The following SCUBE1 variants were observed in gnomAD, a reference collection of about 807,000 sequenced individuals.
SCUBE1 encodes the protein signal peptide, CUB domain and EGF like domain containing 1.
SCUBE1 carries 59 observed loss-of-function variants against 124.4 expected under a neutral mutation model. The observed-to-expected ratio is 0.47, with a 90% confidence interval of 0.38 to 0.59. The LOEUF (loss-of-function observed/expected upper bound fraction) is 0.59, where lower values mean the gene tolerates loss of function less well. Ranked by LOEUF, SCUBE1 falls within the 20% of genes least tolerant of loss-of-function variation. The pLI, the probability that SCUBE1 is intolerant of heterozygous loss-of-function variation, is 0.00. For synonymous variants in SCUBE1, 545 were observed against 550.9 expected (o/e 0.99, Z 0.15); for missense variants, 1,150 against 1,371.2 (o/e 0.84, Z 2.55).
At chr22:43,295,165 G>A (rs1300069309) in intron 3 of SCUBE1, among the ~76,000 whole-genome samples, 1 of 152,168 alleles carries the variant, frequency 6.6e-6, no homozygotes, top group African/African-American at 2.4e-5. Flanking sequence ...GTTCCCAGGT[G>A]CTGATGCTTA....
chr22:43,238,460 A>G, intron 7 of SCUBE1: 1 of 547,540 alleles, frequency 1.8e-6, no homozygotes, highest in South Asian at 2.4e-5. Flanking sequence ...AGGGGTTCGG[A>G]AACGCGCTAC....
intron 4 of SCUBE1, among the ~76,000 whole-genome samples, chr22:43,284,328 G>A: frequency 6.6e-6 from 1 of 152,244 alleles, no homozygotes; most frequent in East Asian, 1.9e-4. Flanking sequence ...GAAGGGAAGT[G>A]CGTGCCACAC....
rs575879307 is a variant in SCUBE1 at position 43,259,950 on chromosome 22, C to T, written c.611-1615G>A. ...CCCTGGATGAGAGCTCAGCTTTCAT[C>T]TCTCAACAGCTCACCTCAACGGCCA... On this transcript the variant is annotated intron_variant, in intron 5 of 21. Transcript: ENST00000360835. Among the ~76,000 whole-genome samples, 16 of 152,358 alleles carry T rather than the reference C, an allele frequency of 1.1e-4. No homozygotes were observed. In the South Asian group the frequency reaches 3.3e-3, roughly 32 times the overall value.
chr22:43,281,412 CAGCCA>C (rs1924842394), intron 4 of SCUBE1, among the ~76,000 whole-genome samples: 2 of 98,146 alleles, frequency 2.0e-5, no homozygotes, highest in South Asian at 4.4e-4. Context: ...TCACCTCCCT[CAGCCA>C]TCCTCCTGTC....
chr22:43,251,536 G>A (rs1306337680), intron 6 of SCUBE1, among the ~76,000 whole-genome samples: 1 of 152,192 alleles, frequency 6.6e-6, no homozygotes, highest in Non-Finnish European at 1.5e-5. Context: ...AGTAACCGAG[G>A]GAGGCAGCAG....
At chr22:43,221,885 G>A (rs969207672) in intron 12 of SCUBE1, among the ~76,000 whole-genome samples, 2 of 152,162 alleles carry the variant, frequency 1.3e-5, no homozygotes, top group Admixed American at 1.3e-4. Context: ...CCAACATGGT[G>A]AAACCATGTC....
intron 3 of SCUBE1, among the ~76,000 whole-genome samples, chr22:43,318,769 G>A (rs570640044): frequency 2.4e-4 from 36 of 151,986 alleles, no homozygotes; most frequent in Non-Finnish European, 4.4e-4. Flanking sequence ...CACTCTTGTC[G>A]CCCGGGCTGG....
intron 4 of SCUBE1, among the ~76,000 whole-genome samples, chr22:43,275,095 G>A (rs1056788190): frequency 1.3e-4 from 20 of 152,208 alleles, no homozygotes; most frequent in Admixed American, 1.2e-3. Context: ...ATGTGGAGGC[G>A]AGGCTGGGCA....
intron 15 of SCUBE1, among the ~76,000 whole-genome samples, chr22:43,215,453 C>T (rs569173292): frequency 2.0e-5 from 3 of 152,306 alleles, no homozygotes; most frequent in East Asian, 3.9e-4. Flanking sequence ...GCTGACATGG[C>T]GGGAGCTGTG....
chr22:43,260,237 G>T (rs749154334), intron 5 of SCUBE1, among the ~76,000 whole-genome samples: 1 of 152,200 alleles, frequency 6.6e-6, no homozygotes, highest in Non-Finnish European at 1.5e-5. Context: ...AACTCGAAGG[G>T]GATCCAGGCT....
intron 4 of SCUBE1, among the ~76,000 whole-genome samples, chr22:43,273,479 G>A (rs143585591): frequency 3.3e-5 from 5 of 150,740 alleles, no homozygotes; most frequent in East Asian, 1.9e-4. Flanking sequence ...GCTGATTTGC[G>A]TCCCCATCCC....
At chr22:43,253,284 GAA>G (rs1601831277) in intron 6 of SCUBE1, among the ~76,000 whole-genome samples, 1 of 152,368 alleles carries the variant, frequency 6.6e-6, no homozygotes, top group East Asian at 1.9e-4. Flanking sequence ...ATGGTGCTAA[GAA>G]TGATGAGCTC....
chr22:43,307,895 C>T (rs1388089097), intron 3 of SCUBE1, among the ~76,000 whole-genome samples: 1 of 152,212 alleles, frequency 6.6e-6, no homozygotes, highest in Admixed American at 6.5e-5. Flanking sequence ...CCTAAGGAGC[C>T]TGACTTCTGC....
intron 2 of SCUBE1, among the ~76,000 whole-genome samples, chr22:43,328,560 C>G (rs1926802581): frequency 1.3e-5 from 2 of 152,142 alleles, no homozygotes; most frequent in Admixed American, 1.3e-4. Context: ...TCCTAGAGCA[C>G]CCTGGATTTT....
In SCUBE1 at chr22:43,291,201, G is replaced by A. The variant is rs1219754139; in HGVS notation, c.350-21C>T. ...CACATCTGTGAGAAAAGGAAGAGAA[G>A]GGGACCAGAGATCACACCTAAGTTG... On this transcript the variant is annotated intron_variant, in intron 3 of 21. Coordinates refer to ENST00000360835, the MANE Select transcript of SCUBE1 (RefSeq NM_173050.5). The A allele has an allele frequency of 2.5e-6, 4 of 1,598,450 alleles. No homozygotes were observed. In the East Asian group the frequency reaches 6.8e-5, roughly 27 times the overall value.
chr22:43,259,796 C>T (rs922240401), intron 5 of SCUBE1, among the ~76,000 whole-genome samples: 8 of 152,292 alleles, frequency 5.3e-5, no homozygotes, highest in South Asian at 2.1e-4. Flanking sequence ...ATCCAGAGGA[C>T]GGAGCTGACT....
intron 2 of SCUBE1, among the ~76,000 whole-genome samples, chr22:43,330,891 C>T (rs573476947): frequency 2.0e-4 from 31 of 152,304 alleles, no homozygotes; most frequent in African/African-American, 7.0e-4. Flanking sequence ...GCAGAGCACA[C>T]GTTAGCATGC....
chr22:43,280,357 C>A (rs1924718439), intron 4 of SCUBE1, among the ~76,000 whole-genome samples: 2 of 151,854 alleles, frequency 1.3e-5, no homozygotes, highest in African/African-American at 4.8e-5. Context: ...TGCCGAGAGT[C>A]AGCTCACCAA....
chr22:43,341,850 G>A (rs973156451), intron 1 of SCUBE1, among the ~76,000 whole-genome samples: 10 of 152,072 alleles, frequency 6.6e-5, no homozygotes, highest in South Asian at 6.2e-4. Flanking sequence ...GGAGAGGGTC[G>A]TGGAGGAGAC....
Sources: gnomAD v4.1 joint callset for allele counts (sites outside exome capture counted in the v4.1 genomes callset) on GRCh38, gnomAD v4.1.1 for gene constraint, MANE v1.5 for transcripts, NCBI Gene and HGNC (gene_info 2026-07-23, HGNC 2026-07-21) for gene names.